IGSF9B: variants seen among roughly 807,000 people sequenced by gnomAD.
IGSF9B encodes protein turtle homolog B.
In IGSF9B, 48 loss-of-function variants were observed where a neutral mutation model predicts 143.7. The ratio of observed to expected loss-of-function variants is 0.33; its 90% CI spans 0.26 to 0.42. The LOEUF (loss-of-function observed/expected upper bound fraction) is 0.42. Among genes scored for constraint, IGSF9B ranks in the 20% least tolerant of loss-of-function variants. The probability of loss-of-function intolerance (pLI) is 1.00; values close to 1 mark genes in which losing one functional copy is unlikely to be tolerated. For missense variants in IGSF9B, 1,706 were observed against 1,980.0 expected, an observed-to-expected ratio of 0.86 and a Z score of 2.63; for synonymous variants, 903 against 833.1, an observed-to-expected ratio of 1.08 and a Z score of -1.44.
intron 18 of IGSF9B, among the ~76,000 whole-genome samples, chr11:133,918,422 G>C (rs1175576051): frequency 2.0e-5 from 3 of 152,180 alleles, no homozygotes; most frequent in African/African-American, 7.2e-5. Context: ...CGGAGCGTGG[G>C]GGAGGGAGGA....
chr11:133,935,832 G>A (rs922240787), intron 6 of IGSF9B, 70 bp from the exon 7 acceptor site: 53 of 1,556,304 alleles, frequency 3.4e-5, no homozygotes, highest in Non-Finnish European at 3.8e-5. Flanking sequence ...CACAGTCACC[G>A]TCACTGCCCC....
intron 3 of IGSF9B, among the ~76,000 whole-genome samples, chr11:133,940,090 C>T (rs1939904759): frequency 6.7e-6 from 1 of 148,840 alleles, no homozygotes; most frequent in African/African-American, 2.5e-5. Context: ...CTTGCACGTC[C>T]CCGCACGCAT....
At chr11:133,936,000 C>A in intron 6 of IGSF9B, 53 bp downstream of exon 6, 2 of 1,594,312 alleles carry the variant, frequency 1.3e-6, no homozygotes, top group Non-Finnish European at 1.7e-6. Context: ...AGGGGCCCTG[C>A]CCGTGGGGGC....
intron 19 of IGSF9B, among the ~76,000 whole-genome samples, chr11:133,910,511 G>A (rs112957183): frequency 2.0e-5 from 3 of 152,288 alleles, no homozygotes; most frequent in Non-Finnish European, 2.9e-5. Flanking sequence ...GGAATTAAGG[G>A]GCCTGACACC....
Position 133,901,134 on chromosome 11 carries a change from G to A in IGSF9B, c.*7935C>T. On this transcript the variant is annotated 3_prime_UTR_variant, in exon 20 of 20. Transcript: ENST00000533871. ...TGGTCCTGGTTCTTTAGGGCTATCA[G>A]ATCCTGCAGCTCCACACAACCTTCA... 1 of 152,376 alleles carries A rather than the reference G, an allele frequency of 6.6e-6. No homozygotes were observed. The highest frequency in any genetic ancestry group is 1.5e-5 in the Non-Finnish European group (1 of 68,044). 9.4% of individuals were successfully genotyped at this position (152,376 alleles called of 1,614,324 possible).
At position 133,953,822 on chromosome 11, in the gene IGSF9B, G is replaced by C. The variant is rs74812241; in HGVS notation, c.64+2869C>G. Among the ~76,000 whole-genome samples the C allele has an allele frequency of 0.018, 2,674 of 152,184 alleles. 87 individuals are homozygous for C. The highest frequency in any genetic ancestry group is 0.062 in the African/African-American group (2,557 of 41,520). ...TCAGCAGCCGTCTGAGATACTGAGTGCACACCAATCACTGTCTTCCAGGTT... is the reference window on the plus strand; with the variant it reads ...TCAGCAGCCGTCTGAGATACTGAGTCCACACCAATCACTGTCTTCCAGGTT... On this transcript the variant is annotated intron_variant, in intron 1 of 19. Transcript: ENST00000533871. The surrounding 1 kb of genome is among the most constrained non-coding windows in gnomAD (Gnocchi z 4.2).
At chr11:133,927,545 C>A (rs1319393477) in intron 12 of IGSF9B, among the ~76,000 whole-genome samples, 2 of 152,186 alleles carry the variant, frequency 1.3e-5, no homozygotes, top group African/African-American at 4.8e-5. Flanking sequence ...CCTCGGGTAA[C>A]CCACAGGGCT....
At position 133,920,110 on chromosome 11, in the gene IGSF9B, G is replaced by T; in HGVS notation, c.3615C>A (p.Thr1205=). The change falls in exon 18 of 20, where the codon ACC becomes ACA. Residue 1205 remains threonine, a synonymous_variant. Transcript: ENST00000533871. ...VLQPSRLSPL[T]QSPLSSRTGS... is the part of the protein sequence containing the mutation. ...CGGTGCGGGAGCTGAGGGGGCTTTG[G>T]GTCAGAGGTGAGAGCCGGGAGGGCT... The T allele has an allele frequency of 1.3e-6, 2 of 1,516,878 alleles. No homozygotes were observed. Among genetic ancestry groups the T allele is most frequent in the Non-Finnish European group, 1.8e-6 (2 of 1,132,684 alleles). 94.0% of individuals were successfully genotyped at this position (1,516,878 alleles called of 1,614,324 possible). A position where few individuals can be genotyped will look rare whatever the true frequency, so the allele number is the denominator to read the frequency against.
intron 1 of IGSF9B, among the ~76,000 whole-genome samples, chr11:133,950,703 GC>G (rs923555892): frequency 6.6e-6 from 1 of 152,234 alleles, no homozygotes; most frequent in African/African-American, 2.4e-5. Flanking sequence ...CATAGGGTGG[GC>G]CTGTCTCAGA....
rs1167117242 is a variant in IGSF9B, at chr11:133,946,065, A to G, written c.258T>C (p.Tyr86=). 3 of 1,570,054 alleles carry G rather than the reference A, an allele frequency of 1.9e-6. No homozygotes were observed. Among genetic ancestry groups the G allele is most frequent in the South Asian group, 1.2e-5 (1 of 83,640 alleles). The change falls in exon 2 of 20, where the codon TAT becomes TAC. Residue 86 remains tyrosine (Y), a synonymous_variant. Transcript: ENST00000533871. The stretch of plus-strand genomic sequence containing the variant: ...GACCGGGTGCCCAGACCTTACCTGC[A>G]TACTCAGGGTCCACGTGCGGCGGGT... The part of the protein sequence containing the change: ...GYYPPHVDPE[Y]AGRASLHDKA...
intron 7 of IGSF9B, among the ~76,000 whole-genome samples, chr11:133,933,058 T>C (rs1051477274): frequency 3.3e-5 from 5 of 151,668 alleles, no homozygotes; most frequent in African/African-American, 1.2e-4. Context: ...CAGGTGAGAA[T>C]CCAGGCCGGA....
rs758135149 is a variant in IGSF9B, at chr11:133,925,865, C to T, written c.1908G>A (p.Pro636=). The T allele has an allele frequency of 7.4e-6, 12 of 1,613,332 alleles. No homozygotes were observed. The highest frequency in any genetic ancestry group is 4.4e-5 in the South Asian group (4 of 90,936). The change falls in exon 14 of 20, where the codon CCG becomes CCA. Residue 636 remains proline (P), a synonymous_variant. Coordinates refer to ENST00000533871, the MANE Select transcript of IGSF9B (RefSeq NM_001277285.4). Reference sequence around the variant, plus strand: ...CGATGGGAAAGCTGTGGTTGGCAGGCGGAAGCCAGGACAGGAGCACACCCT... The same window carrying T: ...CGATGGGAAAGCTGTGGTTGGCAGGTGGAAGCCAGGACAGGAGCACACCCT... ...TQQGVLLSWL[P]PANHSFPIDR...
At chr11:133,923,602 G>A (rs560636383) in intron 15 of IGSF9B, among the ~76,000 whole-genome samples, 9 of 152,350 alleles carry the variant, frequency 5.9e-5, no homozygotes, top group East Asian at 5.8e-4. Context: ...AGATTGTAAC[G>A]TATTTGGCCA....
chr11:133,946,035 C>A (rs374941996), intron 2 of IGSF9B, 26 bp downstream of exon 2: 3 of 1,488,038 alleles, frequency 2.0e-6, no homozygotes, highest in African/African-American at 1.4e-5. Context: ...GGGGAAGGTG[C>A]GGGAGACCGG....
chr11:133,916,981 G>A (rs1939395618), intron 18 of IGSF9B, among the ~76,000 whole-genome samples: 1 of 152,182 alleles, frequency 6.6e-6, no homozygotes, highest in Admixed American at 6.5e-5. Flanking sequence ...CTGGGCTGCT[G>A]ACAATTTTAT....
chr11:133,924,935 C>A (rs749012641), intron 14 of IGSF9B, 31 bp from the exon 15 acceptor site: 2 of 1,594,372 alleles, frequency 1.3e-6, no homozygotes, highest in South Asian at 1.1e-5. Context: ...CCCAGTCAGC[C>A]GAGGGACCTG....
rs1170586796 is a variant in IGSF9B, at chr11:133,904,388, T to A, written c.*4681A>T. On this transcript the variant is annotated 3_prime_UTR_variant, in exon 20 of 20. Transcript: ENST00000533871. Reference sequence around the variant, plus strand: ...GCCCCCAAAACAAATGAAGTTGAAATACAATATAAAGAAGATGTCCATGTT... The same window carrying A: ...GCCCCCAAAACAAATGAAGTTGAAAAACAATATAAAGAAGATGTCCATGTT... 1.3e-5 allele frequency among the ~76,000 whole-genome samples: 2 copies of A among 152,156 alleles called. No individual in the cohort carries two copies. The highest frequency in any genetic ancestry group is 2.9e-5 in the Non-Finnish European group (2 of 68,030).
rs1459419981 is a variant in IGSF9B at position 133,920,129 on chromosome 11, G to A, written c.3596C>T (p.Ser1199Phe). The A allele has an allele frequency of 6.6e-7, 1 of 1,512,064 alleles. No homozygotes were observed. The highest frequency in any genetic ancestry group is 8.9e-7 in the Non-Finnish European group (1 of 1,129,896). 93.7% of individuals were successfully genotyped at this position (1,512,064 alleles called of 1,614,324 possible). The stretch of plus-strand genomic sequence containing the variant: ...GCTTTGGGTCAGAGGTGAGAGCCGG[G>A]AGGGCTGTAGCACCACTTGATGTAA... Reference protein sequence around the residue: ...PSLHQVVLQPSRLSPLTQSPL... With the variant: ...PSLHQVVLQPFRLSPLTQSPL... Residue 1199 changes from serine (S) to phenylalanine (F), a missense_variant, in exon 18 of 20, where the codon TCC becomes TTC. By Grantham distance (155) the Ser-to-Phe change is radical. Coordinates refer to ENST00000533871, the MANE Select transcript of IGSF9B (RefSeq NM_001277285.4).
chr11:133,919,119 G>A (rs754000114), intron 18 of IGSF9B: 7 of 199,542 alleles, frequency 3.5e-5, no homozygotes, highest in East Asian at 2.0e-4. Flanking sequence ...CGAGGTATAC[G>A]GGGGGGGGGT....
Sources: allele counts gnomAD v4.1 joint callset (sites outside exome capture counted in the v4.1 genomes callset), GRCh38; gene constraint gnomAD v4.1.1; non-coding constraint Gnocchi (gnomAD v3.1); transcripts MANE v1.5; gene names NCBI Gene and HGNC (gene_info 2026-07-23, HGNC 2026-07-21).